The following CERS5 variants were observed in gnomAD, a reference collection of about 807,000 sequenced individuals.
CERS5 encodes LAG1 homolog, ceramide synthase 5.
A neutral mutation model predicts 58.9 loss-of-function variants in CERS5; 37 were observed. The ratio of observed to expected loss-of-function variants is 0.63; its 90% CI spans 0.48 to 0.83. The LOEUF (loss-of-function observed/expected upper bound fraction) is 0.83. CERS5 is among the 40% of genes least tolerant of loss of function. The pLI is 0.00. For missense variants in CERS5, 398 were observed against 489.3 expected (o/e 0.81, Z 1.76); for synonymous variants, 147 against 177.8 (o/e 0.83, Z 1.38).
At chr12:50,156,777 G>A (rs1487527653) in intron 1 of CERS5, among the ~76,000 whole-genome samples, 6 of 152,138 alleles carry the variant, frequency 3.9e-5, no homozygotes. Flanking sequence ...AGGAAATTAT[G>A]TAGCTGGGCC....
At chr12:50,154,236 C>A in intron 1 of CERS5, 1 of 354,346 alleles carries the variant, frequency 2.8e-6, no homozygotes, top group East Asian at 1.1e-4. Context: ...GCCTGTAATC[C>A]TAGCTACTCG....
chr12:50,154,622 T>G (rs1010337018), intron 1 of CERS5, among the ~76,000 whole-genome samples: 2 of 152,218 alleles, frequency 1.3e-5, no homozygotes, highest in African/African-American at 4.8e-5. Flanking sequence ...CTATTTTTTC[T>G]TTTGGAAAAT....
chr12:50,161,784 G>GAAAACAAAAAAAAAAAAAAAAAAA (rs1939295196), intron 1 of CERS5, among the ~76,000 whole-genome samples: 1 of 90,862 alleles, frequency 1.1e-5, no homozygotes, highest in Non-Finnish European at 1.9e-5. Flanking sequence ...CTCAAAAAAA[G>GAAAACAAAAAAAAAAAAAAAAAAA]AAAAAAAAAA....
In CERS5 at chr12:50,129,331, T is replaced by A. The variant is rs1318655884; in HGVS notation, c.*1214A>T. The A allele has an allele frequency of 1.3e-5, 2 of 152,224 alleles. No individual in the cohort carries two copies. The highest frequency in any genetic ancestry group is 4.8e-5 in the African/African-American group (2 of 41,446). 9.4% of individuals were successfully genotyped at this position (152,224 alleles called of 1,614,324 possible). A position where few individuals can be genotyped will look rare whatever the true frequency, so the allele number is the denominator to read the frequency against. ...TATTGTTTTATCCAATTGCATCTTTTGTCAGATTAGCTACACCAACCAATC... is the reference window on the plus strand; with the variant it reads ...TATTGTTTTATCCAATTGCATCTTTAGTCAGATTAGCTACACCAACCAATC... On this transcript the variant is annotated 3_prime_UTR_variant, in exon 10 of 10. Transcript: ENST00000317551.
At position 50,129,634 on chromosome 12, in the gene CERS5, A is replaced by G. The variant is rs1451269177; in HGVS notation, c.*911T>C. On this transcript the variant is annotated 3_prime_UTR_variant, in exon 10 of 10. Coordinates refer to ENST00000317551, the MANE Select transcript of CERS5 (RefSeq NM_147190.5). The stretch of plus-strand genomic sequence containing the variant: ...GATTCTTCTTTTTCTTAAAAAACAT[A>G]AAGCTCTAAAATGTAAGCACCCTGG... The G allele has an allele frequency of 6.6e-6, 1 of 151,716 alleles. No homozygotes were observed. Among genetic ancestry groups the G allele is most frequent in the African/African-American group, 2.4e-5 (1 of 41,270 alleles). The allele number at this position is 151,716 out of a possible 1,614,324, so 9.4% of individuals were successfully genotyped here. A position where few individuals can be genotyped will look rare whatever the true frequency, so the allele number is the denominator to read the frequency against.
intron 9 of CERS5, chr12:50,134,180 A>G (rs1951499617): frequency 3.3e-6 from 1 of 302,914 alleles, no homozygotes; most frequent in African/African-American, 2.2e-5. Flanking sequence ...CAGTAGTTGG[A>G]CATTGGCCTG....
At chr12:50,150,381 T>TAA (rs1438631595) in intron 1 of CERS5, among the ~76,000 whole-genome samples, 1 of 151,468 alleles carries the variant, frequency 6.6e-6, no homozygotes, top group Non-Finnish European at 1.5e-5. Context: ...AATAATGAAA[T>TAA]AAAAAAAAGT....
intron 9 of CERS5, 116 bp from the exon 10 acceptor site, chr12:50,130,810 T>C: frequency 1.2e-6 from 1 of 854,596 alleles, no homozygotes; most frequent in Non-Finnish European, 1.8e-6. Flanking sequence ...TGATGACATC[T>C]AACTCAAAGA....
At chr12:50,163,317 G>A (rs967515085) in intron 1 of CERS5, among the ~76,000 whole-genome samples, 1 of 152,142 alleles carries the variant, frequency 6.6e-6, no homozygotes, top group Non-Finnish European at 1.5e-5. Flanking sequence ...TCCTGCCTCA[G>A]CCTCCCAAGT....
At chr12:50,143,792 C>A in intron 2 of CERS5, 160 bp downstream of exon 2, 1 of 553,008 alleles carries the variant, frequency 1.8e-6, no homozygotes, top group Non-Finnish European at 3.2e-6. Context: ...AAGGTTTTCC[C>A]TGAGGGGATA....
At chr12:50,135,675 G>T in intron 8 of CERS5, 57 bp downstream of exon 8, 1 of 1,242,304 alleles carries the variant, frequency 8.0e-7, no homozygotes, top group Non-Finnish European at 1.2e-6. Context: ...AATGAGAATT[G>T]GCAAAAAGGT....
intron 6 of CERS5, among the ~76,000 whole-genome samples, chr12:50,136,570 T>C (rs1051372817): frequency 4.6e-5 from 7 of 152,148 alleles, no homozygotes; most frequent in East Asian, 1.9e-4. Flanking sequence ...CCATACTCTA[T>C]GTTAATGCAG....
At chr12:50,162,933 C>G (rs1490153549) in intron 1 of CERS5, among the ~76,000 whole-genome samples, 4 of 152,104 alleles carry the variant, frequency 2.6e-5, no homozygotes, top group Non-Finnish European at 5.9e-5. Flanking sequence ...GGGTCTCACT[C>G]CTTTGCCCAG....
intron 1 of CERS5, among the ~76,000 whole-genome samples, chr12:50,148,946 A>ATATATATATATATGTG (rs1420401358): frequency 2.9e-5 from 3 of 103,136 alleles, no homozygotes; most frequent in African/African-American, 4.0e-5. Flanking sequence ...ATATATATAT[A>ATATATATATATATGTG]TGTGTGTGTG....
At chr12:50,134,206 C>T (rs1951500872) in intron 9 of CERS5, 1 of 358,320 alleles carries the variant, frequency 2.8e-6, no homozygotes, top group African/African-American at 2.1e-5. Context: ...CATAGTGACA[C>T]CCTATCTACA....
intron 9 of CERS5, chr12:50,133,602 G>A (rs909082005): frequency 2.2e-5 from 22 of 985,088 alleles, no homozygotes; most frequent in Admixed American, 6.2e-5. Context: ...CCTTTGAAAA[G>A]GGCCCCATGT....
chr12:50,139,113 C>A, intron 4 of CERS5, among the ~76,000 whole-genome samples: 1 of 152,122 alleles, frequency 6.6e-6, no homozygotes, highest in African/African-American at 2.4e-5. Flanking sequence ...ATTGATAATT[C>A]ATATTTCCTT....
chr12:50,153,382 C>T (rs565404627), intron 1 of CERS5, among the ~76,000 whole-genome samples: 72 of 139,604 alleles, frequency 5.2e-4, no homozygotes, highest in African/African-American at 1.8e-3. Context: ...TGGGTTCAAG[C>T]GATTCTCCTG....
At chr12:50,136,724 TGA>T (rs1951715278) in intron 6 of CERS5, among the ~76,000 whole-genome samples, 1 of 152,178 alleles carries the variant, frequency 6.6e-6, no homozygotes, top group Non-Finnish European at 1.5e-5. Context: ...TCTGCTTTAA[TGA>T]GAGAAACGTC....
Sources: allele counts gnomAD v4.1 joint callset (sites outside exome capture counted in the v4.1 genomes callset), GRCh38; gene constraint gnomAD v4.1.1; transcripts MANE v1.5; gene names NCBI Gene and HGNC (gene_info 2026-07-23, HGNC 2026-07-21).